Variants in THBS2 observed in about 807,000 individuals in gnomAD.
The protein encoded by THBS2 is thrombospondin 2.
A neutral mutation model predicts 135.2 loss-of-function variants in THBS2; 47 were observed. The ratio of observed to expected loss-of-function variants is 0.35; its 90% CI spans 0.28 to 0.44. The LOEUF (loss-of-function observed/expected upper bound fraction) is 0.44, where lower values mean the gene tolerates loss of function less well. Ranked by LOEUF, THBS2 falls within the 20% of genes least tolerant of loss-of-function variation. THBS2 has a pLI of 1.00. For synonymous variants in THBS2, 639 were observed against 633.8 expected (o/e 1.01, Z -0.12); for missense variants, 1,288 against 1,603.1 (o/e 0.80, Z 3.36).
chr6:169,233,915 G>A (rs1779942415), intron 10 of THBS2, among the ~76,000 whole-genome samples: 1 of 146,714 alleles, frequency 6.8e-6, no homozygotes, highest in South Asian at 2.3e-4. Context: ...AACTACCCAT[G>A]TACCATGTTC....
chr6:169,219,815 TAGAG>T (rs747366604), intron 21 of THBS2: 2 of 520,408 alleles, frequency 3.8e-6, no homozygotes, highest in East Asian at 5.3e-5. Context: ...GAGATAACTA[TAGAG>T]AAACTCCTTC....
At chr6:169,237,140 C>T (rs1583414524) in intron 9 of THBS2, 30 bp downstream of exon 9, 1 of 1,577,624 alleles carries the variant, frequency 6.3e-7, no homozygotes. Flanking sequence ...CAAGCCCGCC[C>T]ACCCAGGGCC....
At position 169,252,926 on chromosome 6, in the gene THBS2, A is replaced by G. The variant is rs2115042341; in HGVS notation, c.-23+798T>C. Among the ~76,000 whole-genome samples the G allele has an allele frequency of 6.6e-6, 1 of 152,272 alleles. No homozygotes were observed. The highest frequency in any genetic ancestry group is 1.5e-5 in the Non-Finnish European group (1 of 68,010). On this transcript the variant is annotated intron_variant, in intron 1 of 21. Coordinates refer to ENST00000617924, the MANE Select transcript of THBS2 (RefSeq NM_003247.5). This position sits in a 1 kb window ranked among gnomAD's most constrained non-coding sequence, Gnocchi z 4.3. ...GCTAATTGTTTACCGGCCGTCCACC[A>G]CCAACAGCAGTCTGATTAAACACCA... is the stretch of plus-strand genomic sequence containing the variant.
At chr6:169,248,005 G>A (rs1780611563) in intron 3 of THBS2, among the ~76,000 whole-genome samples, 2 of 152,036 alleles carry the variant, frequency 1.3e-5, no homozygotes, top group Non-Finnish European at 2.9e-5. Context: ...ATGTGAGGGT[G>A]TGTTCACATG....
intron 21 of THBS2, among the ~76,000 whole-genome samples, chr6:169,218,040 AGATG>A (rs143110525): frequency 0.43 from 38,633 of 88,980 alleles, 6,845 homozygotes; most frequent in Admixed American, 0.5. Context: ...TGGGTGGATG[AGATG>A]GATGGATGGA....
At chr6:169,232,464 G>T (rs1383526192) in intron 12 of THBS2, among the ~76,000 whole-genome samples, 200 bp downstream of exon 12, 1 of 138,420 alleles carries the variant, frequency 7.2e-6, no homozygotes, top group Non-Finnish European at 1.5e-5. Context: ...GACCCTCACA[G>T]GCCCGGCTGA....
intron 21 of THBS2, 100 bp downstream of exon 21, chr6:169,220,098 C>G (rs1779368753): frequency 4.1e-6 from 6 of 1,456,348 alleles, no homozygotes; most frequent in Non-Finnish European, 5.6e-6. Context: ...GTTTATTGCC[C>G]TGATGTACAG....
rs924353125 is a variant in THBS2, at chr6:169,241,972, T to C, written c.695-14A>G. On this transcript the variant is annotated splice_polypyrimidine_tract_variant and intron_variant, in intron 4 of 21. Coordinates refer to ENST00000617924, the MANE Select transcript of THBS2 (RefSeq NM_003247.5). This position sits in a 1 kb window ranked among gnomAD's most constrained non-coding sequence, Gnocchi z 5.5. ...CGTTGATCTCAGCTGAGGGCAAGCG[T>C]AGAAGGGCCGTGAGCATCACAGAGG... is the stretch of plus-strand genomic sequence containing the variant. The C allele has an allele frequency of 6.3e-6, 10 of 1,597,526 alleles. No homozygotes were observed. Among genetic ancestry groups the C allele is most frequent in the Non-Finnish European group, 8.5e-6 (10 of 1,170,502 alleles).
chr6:169,219,809 T>C (rs752581096), intron 21 of THBS2: 1 of 523,990 alleles, frequency 1.9e-6, no homozygotes, highest in Non-Finnish European at 3.8e-6. Flanking sequence ...TGTAGCGAGA[T>C]AACTATAGAG....
Position 169,222,324 on chromosome 6 carries a change from T to C in THBS2, c.3146A>G (p.Tyr1049Cys). Reference protein sequence around the residue: ...VVMWKQVTQTYWEDQPTRAYG... With the variant: ...VVMWKQVTQTCWEDQPTRAYG... ...GGCCCGCGTGGGCTGGTCCTCCCAG[T>C]AGGTCTGCGTCACCTGCTTCCACAT... The change falls in exon 19 of 22, where the codon TAC becomes TGC. Residue 1049 changes from tyrosine (Y) to cysteine (C), a missense_variant. By Grantham distance (194) the Tyr-to-Cys change is radical. Coordinates refer to ENST00000617924, the MANE Select transcript of THBS2 (RefSeq NM_003247.5). 1 of 1,613,566 alleles carries C rather than the reference T, an allele frequency of 6.2e-7. No individual in the cohort carries two copies. The highest frequency in any genetic ancestry group is 1.1e-5 in the South Asian group (1 of 91,082).
intron 9 of THBS2, 66 bp from the exon 10 acceptor site, chr6:169,234,973 A>G: frequency 4.7e-6 from 7 of 1,493,522 alleles, no homozygotes; most frequent in Non-Finnish European, 6.4e-6. Flanking sequence ...GAGTTGGCTG[A>G]GTGAGAGGGA....
chr6:169,250,743 G>A lies in THBS2; in HGVS notation c.42C>T (p.Pro14=). Residue 14 remains proline, a synonymous_variant, in exon 2 of 22, where the codon CCC becomes CCT. Transcript: ENST00000617924. ...RLVLLALWVW[P]STQAGHQDKD... is the part of the protein sequence containing the mutation. The stretch of plus-strand genomic sequence containing the variant: ...TCTGAGGACACTCACCTTGCGTGCT[G>A]GGCCACACCCACAGAGCCAGCAGGA... 3 of 1,613,632 alleles carry A rather than the reference G, an allele frequency of 1.9e-6. No individual in the cohort carries two copies. In the South Asian group the frequency reaches 3.3e-5, roughly 18 times the overall value.
intron 21 of THBS2, among the ~76,000 whole-genome samples, chr6:169,218,387 T>G: frequency 8.6e-6 from 1 of 116,310 alleles, no homozygotes; most frequent in Admixed American, 9.7e-5. Flanking sequence ...ATGAGATAGG[T>G]GGGTTGGTGG....
intron 9 of THBS2, among the ~76,000 whole-genome samples, chr6:169,236,482 A>C (rs1562360084): frequency 2.0e-5 from 1 of 51,070 alleles, no homozygotes; most frequent in Non-Finnish European, 4.3e-5. Context: ...CTCCCCATCC[A>C]CACTCACTCT....
At position 169,241,674 on chromosome 6, in the gene THBS2, G is replaced by T; in HGVS notation, c.891+88C>A. On this transcript the variant is annotated intron_variant, in intron 5 of 21. Transcript: ENST00000617924. This position sits in a 1 kb window ranked among gnomAD's most constrained non-coding sequence, Gnocchi z 5.5. ...TACATCGAGCATGAGGCACTGCCAA[G>T]CCAGGGAATGTTGATACCTGCTGAG... is the stretch of plus-strand genomic sequence containing the variant. 7.2e-7 allele frequency: 1 copy of T among 1,384,776 alleles called. No individual in the cohort carries two copies. 85.8% of individuals were successfully genotyped at this position (1,384,776 alleles called of 1,614,324 possible). A position where few individuals can be genotyped will look rare whatever the true frequency, so the allele number is the denominator to read the frequency against.
intron 13 of THBS2, among the ~76,000 whole-genome samples, chr6:169,230,468 A>C (rs980402668): frequency 6.6e-6 from 1 of 152,190 alleles, no homozygotes; most frequent in Non-Finnish European, 1.5e-5. Context: ...TTAAGAAAGG[A>C]GAGCATGTTG....
chr6:169,233,620 C>T (rs1163430151), intron 10 of THBS2, among the ~76,000 whole-genome samples: 1 of 140,322 alleles, frequency 7.1e-6, no homozygotes, highest in Non-Finnish European at 1.6e-5. Context: ...GTGCCATGTT[C>T]CAGACCACAC....
chr6:169,217,816 T>A lies in THBS2; in HGVS notation c.*6A>T, dbSNP rs1779229121. On this transcript the variant is annotated 3_prime_UTR_variant, in exon 22 of 22. Transcript: ENST00000617924. The stretch of plus-strand genomic sequence containing the variant: ...AGGGCATTGCCGGAAATGCAGCAAA[T>A]CTTGTTTAAATATCTACAAAAAGAA... 1 of 1,603,826 alleles carries A rather than the reference T, an allele frequency of 6.2e-7. No homozygotes were observed. Among genetic ancestry groups the A allele is most frequent in the Non-Finnish European group, 8.5e-7 (1 of 1,178,152 alleles).
At chr6:169,236,797 C>G (rs1364547233) in intron 9 of THBS2, among the ~76,000 whole-genome samples, 1 of 146,380 alleles carries the variant, frequency 6.8e-6, no homozygotes, top group Non-Finnish European at 1.5e-5. Flanking sequence ...CCCGTCCGCA[C>G]TCACTCCCAT....
Sources: allele counts gnomAD v4.1 joint callset (sites outside exome capture counted in the v4.1 genomes callset), GRCh38; gene constraint gnomAD v4.1.1; non-coding constraint Gnocchi (gnomAD v3.1); transcripts MANE v1.5; gene names NCBI Gene and HGNC (gene_info 2026-07-23, HGNC 2026-07-21).